RBM33: variants seen among roughly 807,000 people sequenced by gnomAD.
RBM33 encodes RNA binding motif protein 33.
In RBM33, 28 loss-of-function variants were observed where a neutral mutation model predicts 132.6. That is an observed-to-expected ratio of 0.21 (90% CI 0.16 to 0.29). The LOEUF (loss-of-function observed/expected upper bound fraction) is 0.29. RBM33 is among the 10% of genes least tolerant of loss of function. The pLI is 1.00. For missense variants in RBM33, 1,291 were observed against 1,518.5 expected, an observed-to-expected ratio of 0.85 and a Z score of 2.49; for synonymous variants, 634 against 593.0, an observed-to-expected ratio of 1.07 and a Z score of -1.01.
At chr7:155,713,650 T>C (rs12698289) in intron 8 of RBM33, among the ~76,000 whole-genome samples, 44,137 of 151,784 alleles carry the variant, frequency 0.29, 7,814 homozygotes, top group African/African-American at 0.5. Context: ...CAGGCCTGGC[T>C]GAGATGGGGC....
chr7:155,775,025 C>T lies in RBM33; in HGVS notation c.3497C>T (p.Ala1166Val). The change falls in exon 18 of 18, where the codon GCC becomes GTC. Residue 1166 changes from alanine (A) to valine (V), a missense_variant. Transcript: ENST00000401878. ...ATAGATTTGTCCCACATAAATGTGG[C>T]CCTGATCGTGGAGTGAGTCCTAACA... ...HMIDLSHINV[A>V]LIVE 6.2e-7 allele frequency: 1 copy of T among 1,613,694 alleles called. No individual in the cohort carries two copies. Among genetic ancestry groups the T allele is most frequent in the Non-Finnish European group, 8.5e-7 (1 of 1,179,648 alleles).
At chr7:155,685,363 A>T (rs2066905460) in intron 5 of RBM33, among the ~76,000 whole-genome samples, 1 of 152,218 alleles carries the variant, frequency 6.6e-6, no homozygotes, top group Non-Finnish European at 1.5e-5. Flanking sequence ...AATTAGTAAC[A>T]GTTAATTTGG....
intron 9 of RBM33, among the ~76,000 whole-genome samples, chr7:155,719,317 T>G (rs982412400): frequency 6.6e-6 from 1 of 152,224 alleles, no homozygotes; most frequent in Non-Finnish European, 1.5e-5. Flanking sequence ...ATTTAACTGT[T>G]TATCTTTGGT....
intron 3 of RBM33, among the ~76,000 whole-genome samples, chr7:155,674,889 T>A (rs1799132805): frequency 6.6e-6 from 1 of 152,298 alleles, no homozygotes; most frequent in East Asian, 1.9e-4. Flanking sequence ...ATAAATGCAT[T>A]GTACCTTATA....
Position 155,750,572 on chromosome 7 carries a change from C to G in RBM33, c.2979+4970C>G, listed in dbSNP as rs940536373. Among the ~76,000 whole-genome samples the G allele has an allele frequency of 1.3e-5, 2 of 152,120 alleles. 1 individual carries two copies. Among genetic ancestry groups the G allele is most frequent in the East Asian group, 3.8e-4 (2 of 5,196 alleles). On this transcript the variant is annotated intron_variant, in intron 14 of 17. Coordinates refer to ENST00000401878, the MANE Select transcript of RBM33 (RefSeq NM_053043.3). ...CCTTGGTTGCCTGGCCTCAATGAAT[C>G]CCAGTTTCCTCATCAGTACAATGAG...
At chr7:155,758,046 C>T (rs897209260) in intron 14 of RBM33, among the ~76,000 whole-genome samples, 15 of 152,188 alleles carry the variant, frequency 9.9e-5, no homozygotes, top group Non-Finnish European at 2.2e-4. Context: ...GGATACATTT[C>T]AACAGAAGAT....
chr7:155,722,843 A>G lies in RBM33; in HGVS notation c.1260+4400A>G, dbSNP rs112197878. On this transcript the variant is annotated intron_variant, in intron 9 of 17. Coordinates refer to ENST00000401878, the MANE Select transcript of RBM33 (RefSeq NM_053043.3). ...TTTTAAAATAAGTTTAAAAATTTTAAAAACTATTCAGTCCTTTGATTTTAC... is the reference window on the plus strand; with the variant it reads ...TTTTAAAATAAGTTTAAAAATTTTAGAAACTATTCAGTCCTTTGATTTTAC... Among the ~76,000 whole-genome samples, 638 of 152,348 alleles carry G rather than the reference A, an allele frequency of 4.2e-3. 9 individuals carry two copies. Among genetic ancestry groups the G allele is most frequent in the African/African-American group, 0.015 (613 of 41,578 alleles).
At chr7:155,690,864 TG>T (rs1422487726) in intron 5 of RBM33, among the ~76,000 whole-genome samples, 5 of 152,242 alleles carry the variant, frequency 3.3e-5, no homozygotes, top group African/African-American at 1.2e-4. Context: ...CTTCCCTTTG[TG>T]GGTAACCCGA....
chr7:155,670,499 A>G (rs935520798), intron 2 of RBM33, among the ~76,000 whole-genome samples: 1 of 152,208 alleles, frequency 6.6e-6, no homozygotes, highest in African/African-American at 2.4e-5. Flanking sequence ...AGAAAAGTAC[A>G]TGTAGTTTCT....
chr7:155,706,067 G>A (rs942289744), intron 6 of RBM33, among the ~76,000 whole-genome samples: 2 of 152,234 alleles, frequency 1.3e-5, no homozygotes, highest in East Asian at 1.9e-4. Flanking sequence ...AAGTGAGAAT[G>A]ATCGGGAATT....
At chr7:155,685,482 A>G (rs560198621) in intron 5 of RBM33, among the ~76,000 whole-genome samples, 1 of 152,306 alleles carries the variant, frequency 6.6e-6, no homozygotes, top group African/African-American at 2.4e-5. Context: ...GGAGTCTAAT[A>G]TAGGAGAGAA....
intron 14 of RBM33, among the ~76,000 whole-genome samples, chr7:155,755,201 G>A (rs1046428065): frequency 2.0e-5 from 3 of 152,222 alleles, no homozygotes; most frequent in Admixed American, 1.3e-4. Context: ...TCTCTGGACT[G>A]TAAGATCAGC....
intron 1 of RBM33, among the ~76,000 whole-genome samples, chr7:155,659,198 A>G (rs1444099538): frequency 6.6e-6 from 1 of 152,312 alleles, no homozygotes; most frequent in East Asian, 1.9e-4. Context: ...TAAATAAAAT[A>G]CTACATTGTA....
At position 155,700,111 on chromosome 7, in the gene RBM33, G is replaced by A. The variant is rs138338613; in HGVS notation, c.568-662G>A. Among the ~76,000 whole-genome samples the A allele has an allele frequency of 1.5e-3, 221 of 152,248 alleles. 1 individual carries two copies. Among genetic ancestry groups the A allele is most frequent in the Admixed American group, 0.011 (161 of 15,292 alleles). On this transcript the variant is annotated intron_variant, in intron 5 of 17. Coordinates refer to ENST00000401878, the MANE Select transcript of RBM33 (RefSeq NM_053043.3). ...AGGGAAAATTTTTGTAGGGAATACT[G>A]ATATAATAAAATTTCAGATAAAAGC...
At chr7:155,668,871 A>T (rs56017186) in intron 2 of RBM33, among the ~76,000 whole-genome samples, 91,064 of 151,966 alleles carry the variant, frequency 0.6, 29,493 homozygotes, top group South Asian at 0.77. Context: ...GTTCAACTGG[A>T]ATTTCTTCAG....
chr7:155,665,296 C>G (rs767163211), intron 2 of RBM33, 43 bp downstream of exon 2: 9 of 1,561,938 alleles, frequency 5.8e-6, no homozygotes, highest in Non-Finnish European at 2.6e-6. Context: ...GTGCCGATCT[C>G]TCTCATTCTG....
At position 155,779,786 on chromosome 7, in the gene RBM33, G is replaced by A. The variant is rs543303867; in HGVS notation, c.*4745G>A. On this transcript the variant is annotated 3_prime_UTR_variant, in exon 18 of 18. Transcript: ENST00000401878. The stretch of plus-strand genomic sequence containing the variant: ...CTCAACTCTCTCTTTTCTGTGTCAT[G>A]TTTTGGTAGGAAATCTTTAAGATTG... The A allele has an allele frequency of 1.3e-4, 20 of 152,304 alleles. No homozygotes were observed. The highest frequency in any genetic ancestry group is 4.6e-4 in the African/African-American group (19 of 41,562). 9.4% of individuals were successfully genotyped at this position (152,304 alleles called of 1,614,324 possible).
chr7:155,766,915 T>C (rs1563183206), intron 16 of RBM33: 1 of 492,240 alleles, frequency 2.0e-6, no homozygotes, highest in Non-Finnish European at 3.6e-6. Flanking sequence ...GAGATCCTTT[T>C]AATTGTCATA....
At chr7:155,711,065 T>G in intron 7 of RBM33, 138 bp from the exon 8 acceptor site, 1 of 1,279,232 alleles carries the variant, frequency 7.8e-7, no homozygotes, top group Non-Finnish European at 1.0e-6. Context: ...ACTACAGACT[T>G]CTTACATTGT....
Sources: gnomAD v4.1 joint callset for allele counts (sites outside exome capture counted in the v4.1 genomes callset) on GRCh38, gnomAD v4.1.1 for gene constraint, MANE v1.5 for transcripts, NCBI Gene and HGNC (gene_info 2026-07-23, HGNC 2026-07-21) for gene names.